The following ANLN variants were observed in gnomAD, a reference collection of about 807,000 sequenced individuals.
The protein encoded by ANLN is anillin.
In ANLN, 59 loss-of-function variants were observed where a neutral mutation model predicts 135.1. The ratio of observed to expected loss-of-function variants is 0.44; its 90% CI spans 0.35 to 0.54. ANLN has a LOEUF of 0.54. Ranked by LOEUF, ANLN falls within the 20% of genes least tolerant of loss-of-function variation. ANLN has a pLI of 0.00. For synonymous variants in ANLN, 406 were observed against 456.4 expected (o/e 0.89, Z 1.41); for missense variants, 1,182 against 1,340.0 (o/e 0.88, Z 1.84).
chr7:36,432,599 G>A (rs1281377196), intron 20 of ANLN, among the ~76,000 whole-genome samples: 1 of 152,212 alleles, frequency 6.6e-6, no homozygotes, highest in South Asian at 2.1e-4. Context: ...TGTACAGTCT[G>A]TGTAAGTTAT....
chr7:36,390,249 G>A, intron 1 of ANLN: 1 of 758,428 alleles, frequency 1.3e-6, no homozygotes, highest in East Asian at 2.7e-5. Flanking sequence ...CGGTCCTACA[G>A]ATAAAACTCA....
intron 22 of ANLN, among the ~76,000 whole-genome samples, chr7:36,446,591 G>A (rs1789010399): frequency 1.3e-5 from 2 of 152,156 alleles, no homozygotes; most frequent in African/African-American, 4.8e-5. Context: ...TGAGCAAGGG[G>A]AGGTGCCAAA....
chr7:36,412,044 T>C (rs1298240445), intron 7 of ANLN, among the ~76,000 whole-genome samples: 3 of 152,092 alleles, frequency 2.0e-5, no homozygotes, highest in African/African-American at 7.2e-5. Context: ...TGGTTTGCTC[T>C]ATACCTTGTC....
rs1275291187 is a variant in ANLN, at chr7:36,426,948, C to T, written c.2803C>T (p.Arg935Ter). The T allele has an allele frequency of 1.2e-6, 2 of 1,612,196 alleles. No homozygotes were observed. Among genetic ancestry groups the T allele is most frequent in the Non-Finnish European group, 1.7e-6 (2 of 1,179,338 alleles). ...MASPGGLSAV[R>*]TSNFALVGSY... ...CAGTCCAGGAGGTCTTAGTGCTGTG[C>T]GAACCAGCAACTTCGCCCTTGTTGG... The change falls in exon 20 of 24, where the codon CGA becomes TGA. Residue 935 changes from arginine to a stop codon, truncating the protein, a stop_gained. Transcript: ENST00000265748. LOFTEE classifies it high-confidence loss of function.
chr7:36,441,877 T>C (rs935588223), intron 21 of ANLN, among the ~76,000 whole-genome samples: 1 of 152,192 alleles, frequency 6.6e-6, no homozygotes, highest in African/African-American at 2.4e-5. Context: ...AATAACGACA[T>C]TCCTTTCTTT....
At chr7:36,439,923 G>A (rs943222901) in intron 21 of ANLN, among the ~76,000 whole-genome samples, 9 of 152,190 alleles carry the variant, frequency 5.9e-5, no homozygotes, top group Non-Finnish European at 1.3e-4. Context: ...GAGTCAGCGA[G>A]TTACTCTTAC....
intron 20 of ANLN, among the ~76,000 whole-genome samples, chr7:36,429,054 C>G (rs553976361): frequency 3.3e-5 from 5 of 152,052 alleles, no homozygotes; most frequent in Non-Finnish European, 5.9e-5. Context: ...GCTGGGATTA[C>G]AGGTGTGAAC....
chr7:36,443,575 C>T (rs1788865750), intron 21 of ANLN, among the ~76,000 whole-genome samples, 180 bp from the exon 22 acceptor site: 1 of 151,992 alleles, frequency 6.6e-6, no homozygotes. Flanking sequence ...AAGTAAATTT[C>T]TGATATGAAT....
intron 18 of ANLN, 135 bp downstream of exon 18, chr7:36,425,875 T>G: frequency 9.0e-7 from 1 of 1,113,908 alleles, no homozygotes; most frequent in African/African-American, 1.6e-5. Context: ...GGGATATCCC[T>G]GTAATTTATG....
At chr7:36,407,667 T>TA (rs764283602) in intron 4 of ANLN, 67 bp from the exon 5 acceptor site, 193 of 1,196,242 alleles carry the variant, frequency 1.6e-4, no homozygotes, top group Middle Eastern at 1.2e-3. Flanking sequence ...GGACTTGAAT[T>TA]GTTTTGTTAT....
rs1789305715 is a variant in ANLN, at chr7:36,452,920, T to C, written c.*320T>C. 2.2e-5 allele frequency: 4 copies of C among 182,622 alleles called. No homozygotes were observed. Among genetic ancestry groups the C allele is most frequent in the South Asian group, 1.2e-4 (1 of 8,372 alleles). 11.3% of individuals were successfully genotyped at this position (182,622 alleles called of 1,614,324 possible). On this transcript the variant is annotated 3_prime_UTR_variant, in exon 24 of 24. Coordinates refer to ENST00000265748, the MANE Select transcript of ANLN (RefSeq NM_018685.5). ...AAGTAAGAAATTCTGAGTTGTCTTCTTGGAGCTGTAGGTCTTGAAGCAGCA... is the reference window on the plus strand; with the variant it reads ...AAGTAAGAAATTCTGAGTTGTCTTCCTGGAGCTGTAGGTCTTGAAGCAGCA...
At chr7:36,393,082 G>C (rs1786549809) in intron 1 of ANLN, among the ~76,000 whole-genome samples, 1 of 150,670 alleles carries the variant, frequency 6.6e-6, no homozygotes, top group African/African-American at 2.4e-5. Flanking sequence ...GGAGCTCAAT[G>C]GTGCGATCTT....
At chr7:36,420,130 T>G in intron 10 of ANLN, 39 bp from the exon 11 acceptor site, 19 of 1,579,448 alleles carry the variant, frequency 1.2e-5, no homozygotes, top group Non-Finnish European at 1.6e-5. Flanking sequence ...TGAATTATCA[T>G]TTAGGATCAA....
intron 3 of ANLN, among the ~76,000 whole-genome samples, chr7:36,401,134 T>G (rs1786927955): frequency 6.6e-6 from 1 of 152,186 alleles, no homozygotes; most frequent in Non-Finnish European, 1.5e-5. Flanking sequence ...TTGCAAATAT[T>G]TTTTATTCTA....
intron 3 of ANLN, among the ~76,000 whole-genome samples, chr7:36,402,824 A>T (rs1787013272): frequency 6.6e-6 from 1 of 152,188 alleles, no homozygotes; most frequent in East Asian, 1.9e-4. Context: ...TCCCTCCTCC[A>T]GAAAAGCCTC....
At chr7:36,393,216 G>A (rs906063275) in intron 1 of ANLN, among the ~76,000 whole-genome samples, 4 of 152,002 alleles carry the variant, frequency 2.6e-5, no homozygotes, top group Non-Finnish European at 5.9e-5. Flanking sequence ...TAGAGATGGG[G>A]TTTCACCGTG....
At chr7:36,421,150 C>T (rs1347613236) in intron 12 of ANLN, among the ~76,000 whole-genome samples, 2 of 151,880 alleles carry the variant, frequency 1.3e-5, no homozygotes, top group East Asian at 3.9e-4. Context: ...TGACTGCAAC[C>T]TCTGCCTCCC....
intron 20 of ANLN, among the ~76,000 whole-genome samples, chr7:36,435,872 CAAAAAAAAA>C (rs57379889): frequency 1.9e-5 from 1 of 52,228 alleles, no homozygotes; most frequent in African/African-American, 8.8e-5. Flanking sequence ...GACTCCGTCT[CAAAAAAAAA>C]AAAAAAAAAA....
chr7:36,446,121 C>T (rs1394763303), intron 22 of ANLN, among the ~76,000 whole-genome samples: 1 of 152,030 alleles, frequency 6.6e-6, no homozygotes, highest in African/African-American at 2.4e-5. Flanking sequence ...TTTAATTTAT[C>T]TTTATAGTGT....
Sources: allele counts gnomAD v4.1 joint callset (sites outside exome capture counted in the v4.1 genomes callset), GRCh38; gene constraint gnomAD v4.1.1; transcripts MANE v1.5; gene names NCBI Gene and HGNC (gene_info 2026-07-23, HGNC 2026-07-21).